The following HM13 variants were observed in gnomAD, a reference collection of about 807,000 sequenced individuals.
HM13 encodes signal peptide peptidase.
HM13 carries 18 observed loss-of-function variants against 50.0 expected under a neutral mutation model. That is an observed-to-expected ratio of 0.36 (90% confidence interval 0.25 to 0.53). HM13 has a LOEUF of 0.53. HM13 is among the 20% of genes least tolerant of loss of function. The pLI is 0.90. For missense variants in HM13, 393 were observed against 552.4 expected (o/e 0.71, Z 2.89); for synonymous variants, 197 against 232.6 (o/e 0.85, Z 1.39).
chr20:31,538,004 C>G (rs1423469603), intron 2 of HM13, among the ~76,000 whole-genome samples, 175 bp from the exon 3 acceptor site: 4 of 152,142 alleles, frequency 2.6e-5, no homozygotes, highest in African/African-American at 9.7e-5. Flanking sequence ...GGTTTCTCAC[C>G]TTTCCCCCAC....
In HM13 at chr20:31,527,718, T is replaced by C. The variant is rs143071501; in HGVS notation, c.282+136T>C. The C allele has an allele frequency of 1.8e-3, 1,131 of 640,062 alleles. 4 individuals are homozygous for C. The highest frequency in any genetic ancestry group is 0.011 in the Middle Eastern group (27 of 2,360). 39.6% of individuals were successfully genotyped at this position (640,062 alleles called of 1,614,324 possible). ...GAAAGAAAAATTAATAATTCACCCA[T>C]AGACCTACCCAAAGACAACAACTGT... On this transcript the variant is annotated intron_variant, in intron 2 of 12. Transcript: ENST00000398174.
intron 2 of HM13, among the ~76,000 whole-genome samples, chr20:31,531,941 C>T (rs753730708): frequency 3.3e-5 from 5 of 152,026 alleles, no homozygotes; most frequent in Admixed American, 1.3e-4. Flanking sequence ...AGCCTGGACA[C>T]GAATGTTACC....
intron 8 of HM13, among the ~76,000 whole-genome samples, chr20:31,555,373 G>A (rs960019581): frequency 1.3e-5 from 2 of 152,220 alleles, no homozygotes; most frequent in African/African-American, 4.8e-5. Context: ...ATCTGCAGAG[G>A]CTGGCCTTTG....
chr20:31,543,802 C>T (rs549969298), intron 3 of HM13, among the ~76,000 whole-genome samples: 10 of 151,980 alleles, frequency 6.6e-5, no homozygotes, highest in African/African-American at 1.9e-4. Context: ...GGCATGGTGG[C>T]GGGTGCCTAT....
chr20:31,521,728 CAA>C (rs58104065), intron 1 of HM13, among the ~76,000 whole-genome samples: 12 of 89,060 alleles, frequency 1.3e-4, no homozygotes, highest in Admixed American at 1.3e-4. Flanking sequence ...GACTCCATCT[CAA>C]AAAAAAAAAA....
chr20:31,542,577 G>T (rs1273970475), intron 3 of HM13, among the ~76,000 whole-genome samples: 1 of 152,166 alleles, frequency 6.6e-6, no homozygotes, highest in Non-Finnish European at 1.5e-5. Flanking sequence ...TGTCTAGCAG[G>T]CACCAGGTAT....
At chr20:31,551,389 A>G (rs1321403146) in intron 7 of HM13, among the ~76,000 whole-genome samples, 1 of 151,984 alleles carries the variant, frequency 6.6e-6, no homozygotes, top group Non-Finnish European at 1.5e-5. Flanking sequence ...CCCAGCACTG[A>G]CTCCTCACAT....
intron 2 of HM13, chr20:31,527,849 G>T: frequency 2.6e-6 from 1 of 391,096 alleles, no homozygotes; most frequent in Non-Finnish European, 4.5e-6. Flanking sequence ...TTTATGTTGG[G>T]ATGGGGTATA....
intron 1 of HM13, among the ~76,000 whole-genome samples, chr20:31,523,047 A>C (rs6120609): frequency 7.4e-6 from 1 of 135,356 alleles, no homozygotes; most frequent in African/African-American, 3.1e-5. Context: ...TTTTTTTGGG[A>C]GGGGGGCTTT....
At position 31,569,153 on chromosome 20, in the gene HM13, A is replaced by G. The variant is rs1481837572; in HGVS notation, c.1215A>G (p.Ala405=). Residue 405 remains alanine (A), a synonymous_variant, in exon 13 of 13, where the codon GCA becomes GCG. Coordinates refer to ENST00000398174, the MANE Select transcript of HM13 (RefSeq NM_178581.3). ...AGTCAAATCCTAAGGATCCAGCGGC[A>G]GTGACAGAATCCAAAGAGGGAACAG... is the stretch of plus-strand genomic sequence containing the variant. ...YEESNPKDPA[A]VTESKEGTEA... 2 of 1,595,330 alleles carry G rather than the reference A, an allele frequency of 1.3e-6. No individual in the cohort carries two copies. The highest frequency in any genetic ancestry group is 1.7e-6 in the Non-Finnish European group (2 of 1,170,522).
intron 8 of HM13, among the ~76,000 whole-genome samples, chr20:31,557,270 T>C (rs920144291): frequency 6.6e-6 from 1 of 152,168 alleles, no homozygotes; most frequent in Non-Finnish European, 1.5e-5. Context: ...CTGTAAAGCA[T>C]CTGGCTCACT....
chr20:31,541,173 A>T (rs1983431820), intron 3 of HM13: 1 of 152,002 alleles, frequency 6.6e-6, no homozygotes, highest in Non-Finnish European at 1.5e-5. Flanking sequence ...ACCTGGGAAA[A>T]CCATACCTTT....
chr20:31,552,822 A>G (rs183310707), intron 7 of HM13, among the ~76,000 whole-genome samples: 5 of 152,296 alleles, frequency 3.3e-5, no homozygotes, highest in African/African-American at 7.2e-5. Flanking sequence ...AGGCAGGGCA[A>G]GGGTACCTAT....
chr20:31,532,403 GAC>G (rs1194113553), intron 2 of HM13, among the ~76,000 whole-genome samples: 1 of 152,132 alleles, frequency 6.6e-6, no homozygotes, highest in Admixed American at 6.5e-5. Flanking sequence ...CCAGCCTGGT[GAC>G]AGAGAGAGAC....
intron 4 of HM13, among the ~76,000 whole-genome samples, chr20:31,547,204 G>A (rs536657555): frequency 1.3e-5 from 2 of 152,368 alleles, no homozygotes; most frequent in South Asian, 4.1e-4. Flanking sequence ...CAAGGAGAAA[G>A]CATTCGTATC....
At chr20:31,533,523 A>G (rs1252680106) in intron 2 of HM13, among the ~76,000 whole-genome samples, 2 of 152,134 alleles carry the variant, frequency 1.3e-5, no homozygotes, top group African/African-American at 4.8e-5. Flanking sequence ...CAACAACAAA[A>G]AAACTTCATA....
chr20:31,553,023 CGTG>C (rs1486422424), intron 7 of HM13, among the ~76,000 whole-genome samples: 2 of 151,934 alleles, frequency 1.3e-5, no homozygotes, highest in African/African-American at 4.8e-5. Context: ...AATGGCCAGG[CGTG>C]GTGGCTTACG....
intron 2 of HM13, chr20:31,527,861 CT>C: frequency 3.2e-6 from 1 of 313,532 alleles, no homozygotes; most frequent in Non-Finnish European, 5.7e-6. Context: ...TGGGGTATAG[CT>C]TGTGCTCAGA....
intron 10 of HM13, chr20:31,562,673 C>T (rs1984682816): frequency 6.6e-6 from 1 of 152,222 alleles, no homozygotes; most frequent in Non-Finnish European, 1.5e-5. Flanking sequence ...ATCACAAAAG[C>T]TGGGGTTTTT....
Sources: allele counts gnomAD v4.1 joint callset (sites outside exome capture counted in the v4.1 genomes callset), GRCh38; gene constraint gnomAD v4.1.1; transcripts MANE v1.5; gene names NCBI Gene and HGNC (gene_info 2026-07-23, HGNC 2026-07-21).